HIPK2: variants seen among roughly 807,000 people sequenced by gnomAD.
The protein encoded by HIPK2 is homeodomain interacting protein kinase 2, also known as homeodomain-interacting protein kinase 2.
A neutral mutation model predicts 113.7 loss-of-function variants in HIPK2; 27 were observed. The ratio of observed to expected loss-of-function variants is 0.24; its 90% CI spans 0.17 to 0.33. The LOEUF (loss-of-function observed/expected upper bound fraction) is 0.33. HIPK2 is among the 10% of genes least tolerant of loss of function. The probability of loss-of-function intolerance (pLI) is 1.00; values close to 1 mark genes in which losing one functional copy is unlikely to be tolerated. For missense variants in HIPK2, 1,257 were observed against 1,588.0 expected, an observed-to-expected ratio of 0.79 and a Z score of 3.54; for synonymous variants, 631 against 642.2, an observed-to-expected ratio of 0.98 and a Z score of 0.26.
intron 2 of HIPK2, among the ~76,000 whole-genome samples, chr7:139,710,068 CT>C (rs576918543): frequency 6.1e-4 from 92 of 150,494 alleles, no homozygotes; most frequent in African/African-American, 1.8e-3. Context: ...ATCCCCACAA[CT>C]TTTTTTTTTC....
intron 12 of HIPK2, among the ~76,000 whole-genome samples, chr7:139,591,449 G>T (rs1050254073): frequency 2.0e-5 from 3 of 152,080 alleles, no homozygotes; most frequent in African/African-American, 7.2e-5. Flanking sequence ...ACTGAGCACC[G>T]CTCTGCCCTA....
intron 1 of HIPK2, among the ~76,000 whole-genome samples, chr7:139,768,972 T>C (rs989596571): frequency 1.3e-5 from 2 of 152,172 alleles, no homozygotes; most frequent in South Asian, 2.1e-4. Context: ...GACTGAATAA[T>C]AACGCATGAA....
At chr7:139,622,355 C>T (rs1035968892) in intron 6 of HIPK2, among the ~76,000 whole-genome samples, 2 of 152,200 alleles carry the variant, frequency 1.3e-5, no homozygotes, top group African/African-American at 4.8e-5. Context: ...AGTGTGTTTT[C>T]AGCTCCTACT....
chr7:139,749,598 G>A (rs1796246584), intron 1 of HIPK2, among the ~76,000 whole-genome samples: 1 of 152,202 alleles, frequency 6.6e-6, no homozygotes, highest in East Asian at 1.9e-4. Context: ...CGTGGATGAC[G>A]TGTTCACGGC....
chr7:139,563,009 G>C lies in HIPK2; in HGVS notation c.*9918C>G, dbSNP rs1243812250. The C allele has an allele frequency of 6.6e-6, 1 of 152,166 alleles. No homozygotes were observed. Among genetic ancestry groups the C allele is most frequent in the Non-Finnish European group, 1.5e-5 (1 of 68,066 alleles). 9.4% of individuals were successfully genotyped at this position (152,166 alleles called of 1,614,324 possible). A position where few individuals can be genotyped will look rare whatever the true frequency, so the allele number is the denominator to read the frequency against. On this transcript the variant is annotated 3_prime_UTR_variant, in exon 15 of 15. Transcript: ENST00000406875. ...GATGATTTGGGGGCTAGAGATGACTGTGCCCTGGAAAGTCCATGGAAGAAG... is the reference window on the plus strand; with the variant it reads ...GATGATTTGGGGGCTAGAGATGACTCTGCCCTGGAAAGTCCATGGAAGAAG...
At chr7:139,684,627 G>A (rs1794160966) in intron 2 of HIPK2, among the ~76,000 whole-genome samples, 1 of 152,130 alleles carries the variant, frequency 6.6e-6, no homozygotes, top group Admixed American at 6.6e-5. Context: ...GGATGCAGGA[G>A]AATCACTTGA....
rs948769545 is a variant in HIPK2, at chr7:139,697,876, T to A, written c.1103+18056A>T. 4.2e-4 allele frequency among the ~76,000 whole-genome samples: 63 copies of A among 150,728 alleles called. 1 individual carries two copies. Among genetic ancestry groups the A allele is most frequent in the South Asian group, 1.3e-3 (6 of 4,798 alleles). On this transcript the variant is annotated intron_variant, in intron 2 of 14. Transcript: ENST00000406875. ...TGTCTTAATGGAATTTTTTTTTTTTTTTTTTTTTTTTGAGACGGAGTCTCG... is the reference window on the plus strand; with the variant it reads ...TGTCTTAATGGAATTTTTTTTTTTTATTTTTTTTTTTGAGACGGAGTCTCG...
chr7:139,600,661 A>G (rs1799393015), intron 10 of HIPK2, 65 bp from the exon 11 acceptor site: 3 of 1,543,390 alleles, frequency 1.9e-6, no homozygotes, highest in East Asian at 2.3e-5. Flanking sequence ...CCTCTATAAG[A>G]TCAAGCTTCC....
intron 2 of HIPK2, among the ~76,000 whole-genome samples, chr7:139,642,631 T>C (rs369939227): frequency 3.3e-5 from 5 of 152,290 alleles, no homozygotes; most frequent in South Asian, 2.1e-4. Flanking sequence ...CAACCTGTGA[T>C]TGGATTCTTA....
intron 1 of HIPK2, among the ~76,000 whole-genome samples, chr7:139,736,682 C>A (rs577278625): frequency 6.6e-6 from 1 of 152,202 alleles, no homozygotes; most frequent in Non-Finnish European, 1.5e-5. Context: ...TTAATGCCTA[C>A]GCTGGAGCTA....
intron 1 of HIPK2, among the ~76,000 whole-genome samples, chr7:139,745,795 T>G (rs1796180540): frequency 6.6e-6 from 1 of 152,026 alleles, no homozygotes; most frequent in South Asian, 2.1e-4. Flanking sequence ...AATCACCTCC[T>G]CCTCTGCATG....
intron 2 of HIPK2, among the ~76,000 whole-genome samples, chr7:139,669,591 C>T (rs9768699): frequency 0.64 from 94,192 of 147,752 alleles, 29,669 homozygotes; most frequent in African/African-American, 0.71. Context: ...ATAAATGCCA[C>T]AGGAAATTCC....
At chr7:139,582,622 A>T (rs113339891) in intron 13 of HIPK2, among the ~76,000 whole-genome samples, 178 of 152,370 alleles carry the variant, frequency 1.2e-3, no homozygotes, top group African/African-American at 4.0e-3. Context: ...TCAGGGAAAA[A>T]GAGCTTCGCC....
At chr7:139,705,290 G>A (rs891230958) in intron 2 of HIPK2, among the ~76,000 whole-genome samples, 3 of 152,200 alleles carry the variant, frequency 2.0e-5, no homozygotes, top group African/African-American at 7.2e-5. Context: ...GGCAGAGGGC[G>A]AGTTACACGC....
chr7:139,702,539 G>A (rs1013532897), intron 2 of HIPK2, among the ~76,000 whole-genome samples: 119 of 152,310 alleles, frequency 7.8e-4, no homozygotes, highest in African/African-American at 2.6e-3. Context: ...GGGGCTGGGG[G>A]GAGACCTTTC....
chr7:139,713,243 C>T (rs1008337041), intron 2 of HIPK2, among the ~76,000 whole-genome samples: 1 of 152,164 alleles, frequency 6.6e-6, no homozygotes, highest in African/African-American at 2.4e-5. Context: ...TCCAAAAGGC[C>T]TGATCTCACC....
intron 2 of HIPK2, among the ~76,000 whole-genome samples, chr7:139,639,333 G>C (rs1447245598): frequency 6.6e-6 from 1 of 152,218 alleles, no homozygotes; most frequent in African/African-American, 2.4e-5. Context: ...CTTCAGGGAA[G>C]CTCATTCTGA....
chr7:139,697,873 T>A (rs956310377), intron 2 of HIPK2, among the ~76,000 whole-genome samples: 41 of 150,388 alleles, frequency 2.7e-4, no homozygotes, highest in Middle Eastern at 3.4e-3. Context: ...ATTTTTTTTT[T>A]TTTTTTTTTT....
Position 139,572,339 on chromosome 7 carries a change from C to T in HIPK2, c.*588G>A, listed in dbSNP as rs1380734720. On this transcript the variant is annotated 3_prime_UTR_variant, in exon 15 of 15. Transcript: ENST00000406875. Reference sequence around the variant, plus strand: ...AACATCAGCCTCCTCAGGCTGCAGCCCGACATTCTGGAGGGCTGTTGACCC... The same window carrying T: ...AACATCAGCCTCCTCAGGCTGCAGCTCGACATTCTGGAGGGCTGTTGACCC... 6.6e-6 allele frequency: 1 copy of T among 152,254 alleles called. No individual in the cohort carries two copies. Among genetic ancestry groups the T allele is most frequent in the African/African-American group, 2.4e-5 (1 of 41,472 alleles). The allele number at this position is 152,254 out of a possible 1,614,324, so 9.4% of individuals were successfully genotyped here. A position where few individuals can be genotyped will look rare whatever the true frequency, so the allele number is the denominator to read the frequency against.
Sources: gnomAD v4.1 joint callset for allele counts (sites outside exome capture counted in the v4.1 genomes callset) on GRCh38, gnomAD v4.1.1 for gene constraint, MANE v1.5 for transcripts, NCBI Gene and HGNC (gene_info 2026-07-23, HGNC 2026-07-21) for gene names.